The following SOAT1 variants were observed in gnomAD, a reference collection of about 807,000 sequenced individuals.
SOAT1 encodes sterol O-acyltransferase 1, also known as acyl-coenzyme A:cholesterol acyltransferase 1.
Under a neutral mutation model 69.5 loss-of-function variants are expected in SOAT1, and 55 were observed. The observed-to-expected ratio is 0.79, with a 90% CI of 0.64 to 0.99. SOAT1 has a LOEUF of 0.99. SOAT1 is among the 50% of genes least tolerant of loss of function. The probability of loss-of-function intolerance (pLI) is 0.00; values close to 1 mark genes in which losing one functional copy is unlikely to be tolerated. For synonymous variants in SOAT1, 231 were observed against 224.7 expected, an observed-to-expected ratio of 1.03 and a Z score of -0.25; for missense variants, 580 against 669.3, an observed-to-expected ratio of 0.87 and a Z score of 1.47.
rs1051971436 is a variant in SOAT1 at position 179,355,723 on chromosome 1, T to G, written c.*2082T>G. 2.0e-5 allele frequency: 3 copies of G among 152,458 alleles called. No homozygotes were observed. In the South Asian group the frequency reaches 6.2e-4, roughly 32 times the overall value. The allele number at this position is 152,458 out of a possible 1,614,324, so 9.4% of individuals were successfully genotyped here. A position where few individuals can be genotyped will look rare whatever the true frequency, so the allele number is the denominator to read the frequency against. On this transcript the variant is annotated 3_prime_UTR_variant, in exon 16 of 16. Coordinates refer to ENST00000367619, the MANE Select transcript of SOAT1 (RefSeq NM_003101.6). Reference sequence around the variant, plus strand: ...CTAATTTTTGTATTTTTAGTAGAGATGGGGTTTCACCCTGTTGGTCAGGCT... The same window carrying G: ...CTAATTTTTGTATTTTTAGTAGAGAGGGGGTTTCACCCTGTTGGTCAGGCT...
intron 12 of SOAT1, 27 bp from the exon 13 acceptor site, chr1:179,348,811 TGTGTAG>T: frequency 2.7e-6 from 2 of 748,846 alleles, no homozygotes; most frequent in Non-Finnish European, 2.3e-6. Flanking sequence ...TGTGTGTGTG[TGTGTAG>T]TTTTATACCT....
At chr1:179,323,632 A>G (rs1429495778) in intron 3 of SOAT1, 137 bp downstream of exon 3, 1 of 713,092 alleles carries the variant, frequency 1.4e-6, no homozygotes, top group Non-Finnish European at 2.3e-6. Flanking sequence ...GAACAAGAAA[A>G]TAAGATCTGC....
chr1:179,308,035 C>T (rs920170208), intron 2 of SOAT1, among the ~76,000 whole-genome samples: 44 of 152,056 alleles, frequency 2.9e-4, no homozygotes, highest in Non-Finnish European at 5.6e-4. Context: ...GGTGATCCAC[C>T]CACCTCGGCC....
intron 4 of SOAT1, 76 bp downstream of exon 4, chr1:179,335,733 T>C: frequency 7.2e-7 from 1 of 1,389,718 alleles, no homozygotes; most frequent in Non-Finnish European, 9.7e-7. Flanking sequence ...CTGCGGCAAA[T>C]ATGCTTGAGT....
chr1:179,346,555 A>G (rs1384709046), intron 11 of SOAT1, among the ~76,000 whole-genome samples: 8 of 152,238 alleles, frequency 5.3e-5, no homozygotes, highest in South Asian at 2.1e-4. Context: ...CTGGAATGGC[A>G]TAAACCCAGT....
chr1:179,316,236 T>G (rs1338468900), intron 2 of SOAT1, among the ~76,000 whole-genome samples: 1 of 152,202 alleles, frequency 6.6e-6, no homozygotes, highest in Non-Finnish European at 1.5e-5. Context: ...TATCGATAAT[T>G]GAAGACATTC....
intron 2 of SOAT1, among the ~76,000 whole-genome samples, chr1:179,322,931 T>C (rs1480716173): frequency 6.6e-6 from 1 of 152,196 alleles, no homozygotes; most frequent in Non-Finnish European, 1.5e-5. Flanking sequence ...CTGTGTACTA[T>C]TCTGCAAAAA....
chr1:179,349,381 G>A (rs1318239931), intron 13 of SOAT1, among the ~76,000 whole-genome samples: 4 of 144,958 alleles, frequency 2.8e-5, no homozygotes, highest in African/African-American at 1.0e-4. Flanking sequence ...AGGCTGGAGT[G>A]CAGTGGCATG....
chr1:179,331,455 T>G (rs1324167469), intron 3 of SOAT1, among the ~76,000 whole-genome samples: 3 of 152,298 alleles, frequency 2.0e-5, no homozygotes, highest in Non-Finnish European at 4.4e-5. Context: ...AAATGTTCTT[T>G]GGCCAGGCAC....
In SOAT1 at chr1:179,350,432, G is replaced by GT; in HGVS notation, c.1450+2dup. On this transcript the variant is annotated splice_donor_variant, in intron 14 of 15. Coordinates refer to ENST00000367619, the MANE Select transcript of SOAT1 (RefSeq NM_003101.6). LOFTEE classifies it high-confidence loss of function. ...TTCGTGCTCTTCATGTTCTTTGGAA[G>GT]TAAGTATCTTGGTATGCTGTGAGTA... 1 of 1,613,480 alleles carries GT rather than the reference G, an allele frequency of 6.2e-7. No individual in the cohort carries two copies. The highest frequency in any genetic ancestry group is 1.3e-5 in the African/African-American group (1 of 74,988).
intron 3 of SOAT1, among the ~76,000 whole-genome samples, chr1:179,329,704 G>T (rs1665908831): frequency 6.8e-6 from 1 of 146,430 alleles, no homozygotes. Context: ...AACAGAGCAA[G>T]ACTTCATCTC....
At chr1:179,314,351 C>T (rs1665320290) in intron 2 of SOAT1, among the ~76,000 whole-genome samples, 4 of 152,032 alleles carry the variant, frequency 2.6e-5, no homozygotes, top group African/African-American at 9.7e-5. Context: ...GGTTATTTGT[C>T]TCTTTTCTTC....
chr1:179,303,651 A>G (rs1475673875), intron 2 of SOAT1, among the ~76,000 whole-genome samples: 1 of 152,190 alleles, frequency 6.6e-6, no homozygotes, highest in Non-Finnish European at 1.5e-5. Flanking sequence ...AGGAATGTAA[A>G]CATTGCTGCT....
chr1:179,317,708 A>G (rs2124956548), intron 2 of SOAT1, among the ~76,000 whole-genome samples: 1 of 150,136 alleles, frequency 6.7e-6, no homozygotes, highest in South Asian at 2.1e-4. Flanking sequence ...AGTTTTCAGT[A>G]TTCATTCCAT....
At chr1:179,332,151 TACTC>T (rs1244042856) in intron 3 of SOAT1, among the ~76,000 whole-genome samples, 1 of 152,220 alleles carries the variant, frequency 6.6e-6, no homozygotes, top group Non-Finnish European at 1.5e-5. Flanking sequence ...TTCATTGTAA[TACTC>T]AGTCCAAAGT....
intron 2 of SOAT1, among the ~76,000 whole-genome samples, chr1:179,304,264 G>A (rs1664929248): frequency 6.7e-6 from 1 of 148,892 alleles, no homozygotes; most frequent in Non-Finnish European, 1.5e-5. Flanking sequence ...TGGTCTAGGT[G>A]CCCTTTCTTT....
intron 3 of SOAT1, among the ~76,000 whole-genome samples, chr1:179,334,965 A>C (rs1452081293): frequency 6.9e-6 from 1 of 144,134 alleles, no homozygotes; most frequent in Non-Finnish European, 1.5e-5. Flanking sequence ...CGGTGAGCCG[A>C]GATCGTGCCA....
chr1:179,296,160 G>T (rs975487091), intron 1 of SOAT1, among the ~76,000 whole-genome samples: 2 of 151,812 alleles, frequency 1.3e-5, no homozygotes, highest in Non-Finnish European at 2.9e-5. Context: ...AGACAGGGAG[G>T]GTTTCACTGT....
At position 179,342,935 on chromosome 1, in the gene SOAT1, C is replaced by T; in HGVS notation, c.933C>T (p.Ser311=). The T allele has an allele frequency of 6.2e-7, 1 of 1,612,064 alleles. No homozygotes were observed. The highest frequency in any genetic ancestry group is 8.5e-7 in the Non-Finnish European group (1 of 1,178,256). ...CTCCTACCCTTATCTACCGTGACAG[C>T]TATCCCAGGTAATGGTACTGTGAAC... The part of the protein sequence containing the change: ...LFAPTLIYRD[S]YPRNPTVRWG... The change falls in exon 9 of 16, where the codon AGC becomes AGT. Residue 311 remains serine (S), a synonymous_variant. Coordinates refer to ENST00000367619, the MANE Select transcript of SOAT1 (RefSeq NM_003101.6).
Sources: allele counts gnomAD v4.1 joint callset (sites outside exome capture counted in the v4.1 genomes callset), GRCh38; gene constraint gnomAD v4.1.1; transcripts MANE v1.5; gene names NCBI Gene and HGNC (gene_info 2026-07-23, HGNC 2026-07-21).